FAR2: variants seen among roughly 807,000 people sequenced by gnomAD.
FAR2 encodes fatty acyl-CoA reductase 2.
Under a neutral mutation model 56.0 loss-of-function variants are expected in FAR2, and 19 were observed. The observed-to-expected ratio is 0.34, with a 90% CI of 0.24 to 0.50. The LOEUF is 0.50. FAR2 is among the 20% of genes least tolerant of loss of function. The pLI is 0.98. For missense variants in FAR2, 508 were observed against 642.2 expected, an observed-to-expected ratio of 0.79 and a Z score of 2.26; for synonymous variants, 219 against 218.8, an observed-to-expected ratio of 1.00 and a Z score of -0.01.
intron 1 of FAR2, among the ~76,000 whole-genome samples, chr12:29,168,412 AT>A (rs1443887820): frequency 6.6e-6 from 1 of 152,242 alleles, no homozygotes; most frequent in Admixed American, 6.5e-5. Context: ...AGGCATCCTC[AT>A]TTGGTGCATG....
intron 1 of FAR2, among the ~76,000 whole-genome samples, chr12:29,224,400 G>C (rs1947734163): frequency 1.3e-5 from 2 of 152,192 alleles, no homozygotes; most frequent in Non-Finnish European, 2.9e-5. Flanking sequence ...TTCAAACATA[G>C]ATTAAAGTAG....
intron 1 of FAR2, among the ~76,000 whole-genome samples, chr12:29,208,227 G>A (rs1288499633): frequency 6.6e-6 from 1 of 152,166 alleles, no homozygotes; most frequent in Non-Finnish European, 1.5e-5. Flanking sequence ...TCCTCCTGCT[G>A]CCCTTCTTCC....
intron 2 of FAR2, among the ~76,000 whole-genome samples, chr12:29,284,066 A>G (rs1030377986): frequency 3.9e-5 from 6 of 152,214 alleles, no homozygotes; most frequent in African/African-American, 1.4e-4. Context: ...TCTGTTTAGG[A>G]TCTTAAGTTG....
chr12:29,168,185 G>A (rs948597311), intron 1 of FAR2, among the ~76,000 whole-genome samples: 1 of 152,158 alleles, frequency 6.6e-6, no homozygotes, highest in African/African-American at 2.4e-5. Flanking sequence ...GGCCAGCTGG[G>A]AGTTGCTGAA....
intron 2 of FAR2, among the ~76,000 whole-genome samples, chr12:29,289,913 A>T (rs139341788): frequency 6.4e-4 from 98 of 152,366 alleles, no homozygotes; most frequent in Middle Eastern, 3.4e-3. Context: ...AAGAAGACAT[A>T]CAAAAGACAA....
chr12:29,304,269 A>G (rs1305528046), intron 4 of FAR2, among the ~76,000 whole-genome samples: 1 of 152,214 alleles, frequency 6.6e-6, no homozygotes, highest in Non-Finnish European at 1.5e-5. Flanking sequence ...GAAATTGGCC[A>G]ATCAAGATTA....
chr12:29,294,112 C>T (rs946025372), intron 3 of FAR2, among the ~76,000 whole-genome samples: 7 of 152,190 alleles, frequency 4.6e-5, no homozygotes, highest in East Asian at 1.9e-4. Context: ...CTCATTTTTA[C>T]AGTCACAAAA....
At chr12:29,300,744 G>A (rs944721693) in intron 4 of FAR2, among the ~76,000 whole-genome samples, 53 of 152,214 alleles carry the variant, frequency 3.5e-4, no homozygotes, top group Middle Eastern at 3.4e-3. Flanking sequence ...GGAACCAGGC[G>A]TTAGACAACA....
At chr12:29,201,219 C>A (rs1947407432) in intron 1 of FAR2, among the ~76,000 whole-genome samples, 1 of 152,206 alleles carries the variant, frequency 6.6e-6, no homozygotes, top group East Asian at 1.9e-4. Flanking sequence ...TTCACAGATG[C>A]TGCCATTATT....
chr12:29,201,451 C>A (rs1213125431), intron 1 of FAR2, among the ~76,000 whole-genome samples: 1 of 152,174 alleles, frequency 6.6e-6, no homozygotes, highest in African/African-American at 2.4e-5. Flanking sequence ...ATGTTACCAG[C>A]CTGATTTCAG....
intron 1 of FAR2, among the ~76,000 whole-genome samples, chr12:29,201,017 AG>A (rs1377524166): frequency 6.6e-6 from 1 of 152,146 alleles, no homozygotes; most frequent in Non-Finnish European, 1.5e-5. Context: ...GGGGTCTGCA[AG>A]GGACAGACTC....
At chr12:29,253,693 A>G (rs1417748605) in intron 1 of FAR2, among the ~76,000 whole-genome samples, 1 of 152,302 alleles carries the variant, frequency 6.6e-6, no homozygotes, top group Non-Finnish European at 1.5e-5. Context: ...AAAAGCATCA[A>G]AATTTACATT....
chr12:29,202,621 C>A (rs1717531116), intron 1 of FAR2, among the ~76,000 whole-genome samples: 6 of 152,114 alleles, frequency 3.9e-5, no homozygotes, highest in Admixed American at 3.9e-4. Context: ...GGGGGCGGAT[C>A]CCTCATAAAT....
At chr12:29,247,402 C>T (rs1948145121) in intron 1 of FAR2, among the ~76,000 whole-genome samples, 1 of 152,126 alleles carries the variant, frequency 6.6e-6, no homozygotes, top group Non-Finnish European at 1.5e-5. Context: ...GTTTTTATAT[C>T]TAGGCCACTA....
At chr12:29,256,572 C>T (rs1262556189) in intron 1 of FAR2, among the ~76,000 whole-genome samples, 1 of 152,236 alleles carries the variant, frequency 6.6e-6, no homozygotes, top group African/African-American at 2.4e-5. Flanking sequence ...CCCACCGCTG[C>T]ACTGTGGGAG....
At chr12:29,169,751 G>T (rs995800464) in intron 1 of FAR2, among the ~76,000 whole-genome samples, 1 of 152,178 alleles carries the variant, frequency 6.6e-6, no homozygotes, top group African/African-American at 2.4e-5. Context: ...GATAGATTTT[G>T]TTATTTCTTG....
chr12:29,304,402 G>A (rs1159054205), intron 4 of FAR2, among the ~76,000 whole-genome samples: 1 of 152,156 alleles, frequency 6.6e-6, no homozygotes, highest in Non-Finnish European at 1.5e-5. Flanking sequence ...GTCCAGTGGG[G>A]AGACAGACAC....
intron 2 of FAR2, among the ~76,000 whole-genome samples, chr12:29,280,149 T>C (rs1356660242): frequency 6.6e-6 from 1 of 152,174 alleles, no homozygotes; most frequent in Non-Finnish European, 1.5e-5. Context: ...TGTCTCAAAC[T>C]CCTGACCTCA....
At chr12:29,162,119 C>G (rs1351368275) in intron 1 of FAR2, among the ~76,000 whole-genome samples, 1 of 152,132 alleles carries the variant, frequency 6.6e-6, no homozygotes, top group Admixed American at 6.6e-5. Flanking sequence ...AATTCTTAAT[C>G]TTAATAGAGT....
Sources: allele counts gnomAD v4.1 joint callset (sites outside exome capture counted in the v4.1 genomes callset), GRCh38; gene constraint gnomAD v4.1.1; transcripts MANE v1.5; gene names NCBI Gene and HGNC (gene_info 2026-07-23, HGNC 2026-07-21).